Variants in MRTFB observed in about 807,000 individuals in gnomAD.
The protein encoded by MRTFB is myocardin-related transcription factor B.
Under a neutral mutation model 104.2 loss-of-function variants are expected in MRTFB, and 29 were observed. The observed-to-expected ratio is 0.28, with a 90% CI of 0.21 to 0.38. The LOEUF is 0.38. MRTFB is among the 10% of genes least tolerant of loss of function. The probability of loss-of-function intolerance (pLI) is 1.00; values close to 1 mark genes in which losing one functional copy is unlikely to be tolerated. For synonymous variants in MRTFB, 535 were observed against 519.5 expected (o/e 1.03, Z -0.41); for missense variants, 1,270 against 1,341.6 (o/e 0.95, Z 0.83).
At chr16:14,161,139 G>T (rs1257632675) in intron 3 of MRTFB, among the ~76,000 whole-genome samples, 2 of 115,082 alleles carry the variant, frequency 1.7e-5, no homozygotes, top group Non-Finnish European at 3.3e-5. Flanking sequence ...CCATGATTTA[G>T]TAGGCAGTGC....
the MRTFB span, among the ~76,000 whole-genome samples, chr16:14,026,764 G>A: frequency 2.6e-5 from 4 of 152,184 alleles, no homozygotes; most frequent in Non-Finnish European, 5.9e-5. Context: ...TTTCACTGAA[G>A]AGGATATATG....
In MRTFB at chr16:14,177,498, T is replaced by G. The variant is rs989842851; in HGVS notation, c.155-32745T>G. On this transcript the variant is annotated intron_variant, in intron 3 of 16. Transcript: ENST00000571589. The surrounding 1 kb of genome is among the most constrained non-coding windows in gnomAD (Gnocchi z 4.7). ...CACCTAGCAAAAGTGTGTCTTAAACTTAGATGATTTAGTCTTAAGTATAGC... is the reference window on the plus strand; with the variant it reads ...CACCTAGCAAAAGTGTGTCTTAAACGTAGATGATTTAGTCTTAAGTATAGC... 3.3e-5 allele frequency among the ~76,000 whole-genome samples: 5 copies of G among 152,200 alleles called. No homozygotes were observed. The highest frequency in any genetic ancestry group is 1.2e-4 in the African/African-American group (5 of 41,446).
Position 14,088,114 on chromosome 16 carries a change from G to A in MRTFB, c.-64+8760G>A, listed in dbSNP as rs1457240938. 2.0e-5 allele frequency among the ~76,000 whole-genome samples: 3 copies of A among 152,186 alleles called. No homozygotes were observed. In the East Asian group the frequency reaches 5.8e-4, roughly 29 times the overall value. ...CTTTGTAGGATCTTTTGATTGATTAGATGTCCTTGGATAGAAGAAGGATGG... is the reference window on the plus strand; with the variant it reads ...CTTTGTAGGATCTTTTGATTGATTAAATGTCCTTGGATAGAAGAAGGATGG... On this transcript the variant is annotated intron_variant, in intron 2 of 16. Transcript: ENST00000571589.
At chr16:14,062,510 T>C in the MRTFB span, among the ~76,000 whole-genome samples, 1 of 151,528 alleles carries the variant, frequency 6.6e-6, no homozygotes, top group Non-Finnish European at 1.5e-5. Context: ...GCAGGGGGAG[T>C]GGGCTGGCTT....
chr16:14,158,152 A>G (rs2038894094), intron 3 of MRTFB, among the ~76,000 whole-genome samples: 1 of 152,222 alleles, frequency 6.6e-6, no homozygotes, highest in African/African-American at 2.4e-5. Context: ...TCTCACAAAA[A>G]CAAACCACTT....
In MRTFB at chr16:14,079,351, C is replaced by T. The variant is rs914283411; in HGVS notation, c.-67C>T. The T allele has an allele frequency of 2.3e-5, 8 of 350,624 alleles. No individual in the cohort carries two copies. The highest frequency in any genetic ancestry group is 4.2e-5 in the African/African-American group (2 of 47,674). The allele number at this position is 350,624 out of a possible 1,614,324, so 21.7% of individuals were successfully genotyped here. On this transcript the variant is annotated 5_prime_UTR_variant, in exon 2 of 17. Transcript: ENST00000571589. ...CAGGAAAATAATTAAATATTCTTAC[C>T]GAGGTAAGTTTTTTTATAATTTTTT...
intron 2 of MRTFB, among the ~76,000 whole-genome samples, chr16:14,110,538 C>T (rs1043106979): frequency 1.3e-5 from 2 of 152,094 alleles, no homozygotes; most frequent in Non-Finnish European, 2.9e-5. Context: ...CTCAGAGGTC[C>T]TGGCCCCTTT....
At chr16:14,032,737 G>A in the MRTFB span, among the ~76,000 whole-genome samples, 1 of 152,156 alleles carries the variant, frequency 6.6e-6, no homozygotes, top group African/African-American at 2.4e-5. Context: ...ACCCCAGGTA[G>A]CTACTGCCAG....
intron 3 of MRTFB, chr16:14,150,962 G>A (rs2142777492): frequency 6.6e-6 from 1 of 152,312 alleles, no homozygotes; most frequent in African/African-American, 2.4e-5. Context: ...TGAAAAATAT[G>A]TGAGAACCTC....
chr16:14,017,973 C>T, the MRTFB span, among the ~76,000 whole-genome samples: 2 of 151,770 alleles, frequency 1.3e-5, no homozygotes, highest in Non-Finnish European at 2.9e-5. Context: ...CCTCCTGCCT[C>T]GACCTCCCAA....
At chr16:14,120,148 A>G (rs187108663) in intron 2 of MRTFB, among the ~76,000 whole-genome samples, 2 of 151,804 alleles carry the variant, frequency 1.3e-5, no homozygotes, top group East Asian at 3.9e-4. Flanking sequence ...TCTTTTTCTT[A>G]TGTATGTTTA....
Position 14,243,359 on chromosome 16 carries a change from G to A in MRTFB, c.1080-2169G>A, listed in dbSNP as rs144424321. On this transcript the variant is annotated intron_variant, in intron 10 of 16. Transcript: ENST00000571589. ...CACAGGCTTCCCAGAACTCTTCAGA[G>A]AAAGCTCACCCAACTATGGCTGTCA... Among the ~76,000 whole-genome samples the A allele has an allele frequency of 3.7e-3, 562 of 152,314 alleles. 3 individuals are homozygous for A. The highest frequency in any genetic ancestry group is 0.013 in the African/African-American group (529 of 41,562).
At chr16:14,091,208 G>A (rs890693175) in intron 2 of MRTFB, among the ~76,000 whole-genome samples, 2 of 152,072 alleles carry the variant, frequency 1.3e-5, no homozygotes, top group African/African-American at 2.4e-5. Context: ...GGGCACTGGT[G>A]GTAGAGTTGT....
At chr16:14,070,065 A>G (rs1411154450), upstream of MRTFB, among the ~76,000 whole-genome samples, 3 of 152,206 alleles carry the variant, frequency 2.0e-5, no homozygotes, top group Non-Finnish European at 4.4e-5. Flanking sequence ...ACTTGCTGAC[A>G]TTGATGTGAT....
intron 8 of MRTFB, among the ~76,000 whole-genome samples, chr16:14,220,150 A>T (rs1337004001): frequency 1.3e-5 from 2 of 152,206 alleles, no homozygotes; most frequent in Non-Finnish European, 2.9e-5. Flanking sequence ...TGACCAACCC[A>T]CAGTCTGAGG....
chr16:14,007,973 A>C, the MRTFB span, among the ~76,000 whole-genome samples: 3 of 152,218 alleles, frequency 2.0e-5, no homozygotes, highest in Non-Finnish European at 4.4e-5. Context: ...TTCTAGGCAC[A>C]AGTCTCTTAT....
chr16:14,078,323 ATTGACT>A (rs1213842246), intron 1 of MRTFB, among the ~76,000 whole-genome samples: 1 of 152,174 alleles, frequency 6.6e-6, no homozygotes, highest in Non-Finnish European at 1.5e-5. Flanking sequence ...TGAATGAATA[ATTGACT>A]TTGATCTTTT....
rs1219735175 is a variant in MRTFB at position 14,266,473 on chromosome 16, C to G, written c.*5029C>G. ...CTTGTTGAAGCACTAGTTTAATCAA[C>G]AAAAAATTATGGCAATCGGGGGTCC... On this transcript the variant is annotated 3_prime_UTR_variant, in exon 17 of 17. Coordinates refer to ENST00000571589, the MANE Select transcript of MRTFB (RefSeq NM_001308142.2). 6.6e-6 allele frequency: 1 copy of G among 152,114 alleles called. No homozygotes were observed. The highest frequency in any genetic ancestry group is 1.5e-5 in the Non-Finnish European group (1 of 68,002). The allele number at this position is 152,114 out of a possible 1,614,324, so 9.4% of individuals were successfully genotyped here.
At chr16:14,025,684 G>T in the MRTFB span, among the ~76,000 whole-genome samples, 5 of 152,076 alleles carry the variant, frequency 3.3e-5, no homozygotes, top group African/African-American at 1.2e-4. Flanking sequence ...AGTCTGTGAG[G>T]CTGAGTAAAA....
Sources: gnomAD v4.1 joint callset for allele counts (sites outside exome capture counted in the v4.1 genomes callset) on GRCh38, gnomAD v4.1.1 for gene constraint, Gnocchi (gnomAD v3.1) non-coding constraint, MANE v1.5 for transcripts, NCBI Gene and HGNC (gene_info 2026-07-23, HGNC 2026-07-21) for gene names.